Variants in RGS7BP observed in about 807,000 individuals in gnomAD.
RGS7BP encodes the protein regulator of G protein signaling 7 binding protein.
Under a neutral mutation model 31.3 loss-of-function variants are expected in RGS7BP, and 9 were observed. The observed-to-expected ratio is 0.29, with a 90% CI of 0.17 to 0.50. The LOEUF (loss-of-function observed/expected upper bound fraction) is 0.50, where lower values mean the gene tolerates loss of function less well. Ranked by LOEUF, RGS7BP falls within the 20% of genes least tolerant of loss-of-function variation. The pLI is 0.98. For missense variants in RGS7BP, 274 were observed against 322.0 expected, an observed-to-expected ratio of 0.85 and a Z score of 1.14; for synonymous variants, 115 against 120.1, an observed-to-expected ratio of 0.96 and a Z score of 0.28.
chr5:64,519,580 T>C (rs1192459967), intron 2 of RGS7BP, among the ~76,000 whole-genome samples: 4 of 152,196 alleles, frequency 2.6e-5, no homozygotes, highest in African/African-American at 7.2e-5. Context: ...CTTTCTCTTT[T>C]AGTTATGCAG....
rs150387752 is a variant in RGS7BP at position 64,552,704 on chromosome 5, G to A, written c.333-23070G>A. 1.1e-4 allele frequency among the ~76,000 whole-genome samples: 16 copies of A among 152,154 alleles called. No homozygotes were observed. The East Asian group carries it at 3.1e-3, about 29-fold the overall frequency. On this transcript the variant is annotated intron_variant, in intron 2 of 5. Coordinates refer to ENST00000334025, the MANE Select transcript of RGS7BP (RefSeq NM_001029875.3). ...GTAAATGTTGCTATTTTCTTTCCAT[G>A]GTGTCTATTGACTATTTTGTCAATT...
chr5:64,513,137 A>T (rs1044001111), intron 2 of RGS7BP, among the ~76,000 whole-genome samples: 18 of 152,236 alleles, frequency 1.2e-4, no homozygotes, highest in African/African-American at 4.3e-4. Flanking sequence ...TGATGATTGA[A>T]TTCCGGAAAT....
chr5:64,508,535 C>T (rs566903505), intron 2 of RGS7BP, among the ~76,000 whole-genome samples: 11 of 152,240 alleles, frequency 7.2e-5, no homozygotes, highest in Non-Finnish European at 1.6e-4. Flanking sequence ...GGAGATAATT[C>T]AGTATGTGAA....
rs201343347 is a variant in RGS7BP at position 64,538,006 on chromosome 5, CT to C, written c.332+30136del. On this transcript the variant is annotated intron_variant, in intron 2 of 5. Coordinates refer to ENST00000334025, the MANE Select transcript of RGS7BP (RefSeq NM_001029875.3). ...GTTTCATCCAAGTAAATAGAAAGCTCTTTTTTTAACCTCTTCTTTAACTTGT... is the reference window on the plus strand; with the variant it reads ...GTTTCATCCAAGTAAATAGAAAGCTCTTTTTTAACCTCTTCTTTAACTTGT... Among the ~76,000 whole-genome samples the C allele has an allele frequency of 8.6e-3, 1,311 of 152,184 alleles. 26 individuals are homozygous for C. The highest frequency in any genetic ancestry group is 0.03 in the African/African-American group (1,250 of 41,518).
chr5:64,560,635 AC>A (rs1383184925), intron 2 of RGS7BP, among the ~76,000 whole-genome samples: 2 of 152,018 alleles, frequency 1.3e-5, no homozygotes, highest in African/African-American at 2.4e-5. Flanking sequence ...TGCATGATAT[AC>A]AAAATTTGAA....
chr5:64,561,977 T>C (rs1742066857), intron 2 of RGS7BP, among the ~76,000 whole-genome samples: 1 of 152,102 alleles, frequency 6.6e-6, no homozygotes, highest in Admixed American at 6.6e-5. Context: ...TATATGTAGG[T>C]CTCCACGGTG....
chr5:64,570,434 T>C (rs1742276904), intron 2 of RGS7BP, among the ~76,000 whole-genome samples: 1 of 152,178 alleles, frequency 6.6e-6, no homozygotes. Flanking sequence ...AATCTAAGTT[T>C]TCTAACTCCA....
intron 2 of RGS7BP, among the ~76,000 whole-genome samples, chr5:64,536,971 C>T (rs544218731): frequency 3.9e-5 from 6 of 152,286 alleles, no homozygotes; most frequent in Middle Eastern, 3.4e-3. Flanking sequence ...TGATTCTGCA[C>T]TAGGTGTGCA....
chr5:64,577,234 T>C (rs1248712170), intron 3 of RGS7BP, among the ~76,000 whole-genome samples: 1 of 151,758 alleles, frequency 6.6e-6, no homozygotes, highest in African/African-American at 2.4e-5. Context: ...GTCAGGAGAT[T>C]GAGACCATCC....
intron 2 of RGS7BP, chr5:64,575,529 T>C (rs1742396223): frequency 3.8e-6 from 1 of 261,808 alleles, no homozygotes; most frequent in African/African-American, 2.3e-5. Context: ...AAAGCATTTA[T>C]GATTTTAAGC....
chr5:64,568,379 G>T (rs2111881022), intron 2 of RGS7BP, among the ~76,000 whole-genome samples: 1 of 152,266 alleles, frequency 6.6e-6, no homozygotes, highest in Non-Finnish European at 1.5e-5. Context: ...GGGAAAAATG[G>T]AGAGGCCAAG....
At chr5:64,569,460 T>C (rs532065424) in intron 2 of RGS7BP, among the ~76,000 whole-genome samples, 8 of 152,290 alleles carry the variant, frequency 5.3e-5, no homozygotes, top group African/African-American at 1.9e-4. Flanking sequence ...TTCTTTTTTT[T>C]TAATTGTAGT....
intron 3 of RGS7BP, among the ~76,000 whole-genome samples, chr5:64,585,108 G>A (rs1330699183): frequency 2.0e-5 from 3 of 152,102 alleles, no homozygotes; most frequent in Non-Finnish European, 4.4e-5. Context: ...TGTAAGCCAT[G>A]TTCATTTTGT....
At chr5:64,591,195 G>C (rs1032462023) in intron 3 of RGS7BP, among the ~76,000 whole-genome samples, 1 of 151,948 alleles carries the variant, frequency 6.6e-6, no homozygotes, top group Non-Finnish European at 1.5e-5. Flanking sequence ...AAATCAATAA[G>C]AAACCCAACC....
chr5:64,581,904 C>A (rs7730876), intron 3 of RGS7BP, among the ~76,000 whole-genome samples: 120,843 of 152,074 alleles, frequency 0.79, 48,323 homozygotes, highest in Admixed American at 0.84. Context: ...TGGCCAACAA[C>A]ATGAAAGTAA....
At chr5:64,580,408 C>G (rs1742558807) in intron 3 of RGS7BP, among the ~76,000 whole-genome samples, 1 of 151,940 alleles carries the variant, frequency 6.6e-6, no homozygotes, top group South Asian at 2.1e-4. Flanking sequence ...GGCCCTGAGT[C>G]AAGATGCATG....
intron 2 of RGS7BP, among the ~76,000 whole-genome samples, chr5:64,572,346 A>G (rs895014687): frequency 6.6e-6 from 1 of 152,184 alleles, no homozygotes; most frequent in Non-Finnish European, 1.5e-5. Context: ...TTCACTGCTT[A>G]TAACATCAGA....
At chr5:64,592,834 G>C (rs73092896) in intron 3 of RGS7BP, among the ~76,000 whole-genome samples, 5,288 of 152,192 alleles carry the variant, frequency 0.035, 274 homozygotes, top group African/African-American at 0.12. Flanking sequence ...GGACTGTTTT[G>C]GGAGAGTCCT....
intron 4 of RGS7BP, among the ~76,000 whole-genome samples, chr5:64,595,810 C>G (rs906473080): frequency 2.0e-5 from 3 of 151,906 alleles, no homozygotes; most frequent in Non-Finnish European, 4.4e-5. Flanking sequence ...CATTTATAGC[C>G]ATTGTGGTTC....
Sources: gnomAD v4.1 joint callset for allele counts (sites outside exome capture counted in the v4.1 genomes callset) on GRCh38, gnomAD v4.1.1 for gene constraint, MANE v1.5 for transcripts, NCBI Gene and HGNC (gene_info 2026-07-23, HGNC 2026-07-21) for gene names.